Variants in SORL1 observed in about 807,000 individuals in gnomAD.
SORL1 encodes sortilin related receptor 1, also known as sortilin-related receptor.
Under a neutral mutation model 273.7 loss-of-function variants are expected in SORL1, and 127 were observed. The ratio of observed to expected loss-of-function variants is 0.46; its 90% CI spans 0.40 to 0.54. The LOEUF (loss-of-function observed/expected upper bound fraction) is 0.54. Ranked by LOEUF, SORL1 falls within the 20% of genes least tolerant of loss-of-function variation. SORL1 has a pLI of 0.00. For missense variants in SORL1, 2,494 were observed against 2,846.1 expected, an observed-to-expected ratio of 0.88 and a Z score of 2.81; for synonymous variants, 1,031 against 1,067.4, an observed-to-expected ratio of 0.97 and a Z score of 0.66.
chr11:121,459,834 C>CA (rs1860966562), intron 1 of SORL1, among the ~76,000 whole-genome samples: 1 of 152,220 alleles, frequency 6.6e-6, no homozygotes, highest in Non-Finnish European at 1.5e-5. Context: ...TCCAGATTGG[C>CA]ATGAAGACAA....
chr11:121,476,604 A>G (rs1247842207), intron 2 of SORL1, among the ~76,000 whole-genome samples: 1 of 152,170 alleles, frequency 6.6e-6, no homozygotes, highest in East Asian at 1.9e-4. Context: ...CCTGGCTCAC[A>G]TGGAACCCTC....
At chr11:121,617,875 C>T (rs1230070034) in intron 41 of SORL1, among the ~76,000 whole-genome samples, 1 of 152,164 alleles carries the variant, frequency 6.6e-6, no homozygotes, top group Admixed American at 6.5e-5. Flanking sequence ...ACAGTGGCTT[C>T]GAACAGTTTA....
intron 21 of SORL1, among the ~76,000 whole-genome samples, chr11:121,566,368 A>T (rs548616415): frequency 7.5e-6 from 1 of 133,162 alleles, no homozygotes; most frequent in African/African-American, 2.8e-5. Flanking sequence ...TTTTTAAATT[A>T]AAAAAAAAAA....
chr11:121,452,382 C>T lies in SORL1; in HGVS notation c.51C>T (p.Thr17=). 2 of 1,551,314 alleles carry T rather than the reference C, an allele frequency of 1.3e-6. 1 individual carries two copies. The highest frequency in any genetic ancestry group is 2.4e-5 in the South Asian group (2 of 83,624). Residue 17 remains threonine (T), a synonymous_variant, in exon 1 of 48, where the codon ACC becomes ACT. Coordinates refer to ENST00000260197, the MANE Select transcript of SORL1 (RefSeq NM_003105.6). This position sits in a 1 kb window ranked among gnomAD's most constrained non-coding sequence, Gnocchi z 5.3. ...RRESRLPFLF[T]LVALLPPGAL... ...AGTCGCGACTCCCGTTCCTATTCAC[C>T]CTGGTCGCACTGCTGCCGCCCGGAG...
chr11:121,591,621 C>A (rs1863215424), intron 31 of SORL1, among the ~76,000 whole-genome samples: 1 of 152,118 alleles, frequency 6.6e-6, no homozygotes, highest in Admixed American at 6.5e-5. Flanking sequence ...CTCAAAGAGG[C>A]AGCTGAAGGT....
chr11:121,629,455 A>C (rs767620344), intron 47 of SORL1, 41 bp from the exon 48 acceptor site: 34 of 1,023,642 alleles, frequency 3.3e-5, no homozygotes, highest in Non-Finnish European at 4.8e-5. Flanking sequence ...TCAGGTGAAA[A>C]TGTGTTGGAA....
chr11:121,559,199 C>T (rs1318335690), intron 20 of SORL1, among the ~76,000 whole-genome samples: 2 of 152,164 alleles, frequency 1.3e-5, no homozygotes, highest in Non-Finnish European at 2.9e-5. Flanking sequence ...CCTATAGTGC[C>T]TTGCAGTTCT....
chr11:121,578,271 C>G (rs1041868023), intron 25 of SORL1, among the ~76,000 whole-genome samples: 2 of 152,174 alleles, frequency 1.3e-5, no homozygotes, highest in Non-Finnish European at 2.9e-5. Context: ...TTTTTACACT[C>G]GGATAATTCA....
chr11:121,607,628 G>A (rs1863498779), intron 37 of SORL1, among the ~76,000 whole-genome samples: 1 of 152,190 alleles, frequency 6.6e-6, no homozygotes, highest in Non-Finnish European at 1.5e-5. Context: ...ATGATGCAGA[G>A]CTATGATAAG....
chr11:121,619,690 T>C lies in SORL1; in HGVS notation c.5725-63T>C. On this transcript the variant is annotated intron_variant, in intron 42 of 47. Coordinates refer to ENST00000260197, the MANE Select transcript of SORL1 (RefSeq NM_003105.6). ...TGTCATTATTTTGTTGAAAAAATAC[T>C]TTAATAAAGATTGCATAAGGCCATG... The C allele has an allele frequency of 2.4e-6, 3 of 1,227,684 alleles. No individual in the cohort carries two copies. The Middle Eastern group carries it at 6.0e-4, about 244-fold the overall frequency. 76.0% of individuals were successfully genotyped at this position (1,227,684 alleles called of 1,614,324 possible). A position where few individuals can be genotyped will look rare whatever the true frequency, so the allele number is the denominator to read the frequency against.
At chr11:121,543,773 T>C in intron 13 of SORL1, 47 bp downstream of exon 13, 5 of 1,546,372 alleles carry the variant, frequency 3.2e-6, no homozygotes, top group Non-Finnish European at 4.4e-6. Flanking sequence ...ATGCGTGGAC[T>C]TCCTGTTATG....
intron 44 of SORL1, among the ~76,000 whole-genome samples, chr11:121,621,528 C>T (rs563432036): frequency 1.2e-3 from 176 of 152,114 alleles, no homozygotes; most frequent in African/African-American, 4.1e-3. Context: ...GGAGGGATGC[C>T]CAAGAGAGGA....
intron 11 of SORL1, among the ~76,000 whole-genome samples, chr11:121,532,188 G>A (rs1470695106): frequency 6.6e-6 from 1 of 152,164 alleles, no homozygotes; most frequent in Non-Finnish European, 1.5e-5. Context: ...TCCTACCTCT[G>A]CTGTTCACAG....
intron 1 of SORL1, among the ~76,000 whole-genome samples, chr11:121,456,614 G>A (rs1860910405): frequency 6.6e-6 from 1 of 152,188 alleles, no homozygotes; most frequent in Non-Finnish European, 1.5e-5. Context: ...GAAGAGCTTG[G>A]ATTCTATTTT....
intron 3 of SORL1, among the ~76,000 whole-genome samples, chr11:121,480,612 C>G (rs866988791): frequency 8.7e-5 from 13 of 150,128 alleles, no homozygotes; most frequent in Non-Finnish European, 1.8e-4. Context: ...CTCCCCAGCT[C>G]CTCCCCTAGT....
At chr11:121,612,666 A>G (rs1863583989) in intron 39 of SORL1, 70 bp from the exon 40 acceptor site, 8 of 1,124,480 alleles carry the variant, frequency 7.1e-6, no homozygotes, top group Non-Finnish European at 6.7e-6. Flanking sequence ...TGTATTTTTA[A>G]TCCTGCCTTT....
intron 5 of SORL1, among the ~76,000 whole-genome samples, chr11:121,496,026 T>A (rs2134822154): frequency 6.6e-6 from 1 of 152,326 alleles, no homozygotes; most frequent in South Asian, 2.1e-4. Flanking sequence ...CTAAAGGGGT[T>A]TTATACCTTT....
intron 10 of SORL1, 38 bp downstream of exon 10, chr11:121,522,741 G>T: frequency 6.5e-7 from 1 of 1,531,176 alleles, no homozygotes; most frequent in Non-Finnish European, 9.1e-7. Flanking sequence ...GGGTTCAGCT[G>T]TCTGGTGATG....
intron 2 of SORL1, among the ~76,000 whole-genome samples, chr11:121,477,813 A>G (rs1861298907): frequency 6.6e-6 from 1 of 152,066 alleles, no homozygotes. Context: ...GCGGATCACA[A>G]GGTCAAGAGA....
Sources: allele counts gnomAD v4.1 joint callset (sites outside exome capture counted in the v4.1 genomes callset), GRCh38; gene constraint gnomAD v4.1.1; non-coding constraint Gnocchi (gnomAD v3.1); transcripts MANE v1.5; gene names NCBI Gene and HGNC (gene_info 2026-07-23, HGNC 2026-07-21).